The following MIER2 variants were observed in gnomAD, a reference collection of about 807,000 sequenced individuals.
MIER2 encodes mesoderm induction early response protein 2.
Under a neutral mutation model 67.6 loss-of-function variants are expected in MIER2, and 30 were observed. The observed-to-expected ratio is 0.44, with a 90% CI of 0.33 to 0.60. The LOEUF (loss-of-function observed/expected upper bound fraction) is 0.60. Among genes scored for constraint, MIER2 ranks in the 20% least tolerant of loss-of-function variants. The probability of loss-of-function intolerance (pLI) is 0.02; values close to 1 mark genes in which losing one functional copy is unlikely to be tolerated. For missense variants in MIER2, 702 were observed against 745.1 expected (o/e 0.94, Z 0.67); for synonymous variants, 372 against 312.6 (o/e 1.19, Z -2.00).
intron 3 of MIER2, 47 bp downstream of exon 3, chr19:334,353 C>T (rs377420121): frequency 4.3e-6 from 7 of 1,610,492 alleles, no homozygotes; most frequent in Admixed American, 1.7e-5. Flanking sequence ...AGGCTTACCC[C>T]GGAGGGCTCC....
At chr19:335,605 C>T (rs1349354714) in intron 2 of MIER2, among the ~76,000 whole-genome samples, 1 of 152,204 alleles carries the variant, frequency 6.6e-6, no homozygotes, top group Non-Finnish European at 1.5e-5. Context: ...TGCCCTACAG[C>T]GTCAGCTCCT....
Position 307,532 on chromosome 19 carries a change from T to C in MIER2, c.1203A>G (p.Pro401=). The change falls in exon 13 of 14, where the codon CCA becomes CCG. Residue 401 remains proline (P), a synonymous_variant. Coordinates refer to ENST00000264819, the MANE Select transcript of MIER2 (RefSeq NM_017550.3). The part of the protein sequence containing the change: ...QDTLTGMRTD[P]LSVDGTAGGL... ...CACCGGCCGTGCCATCCACGCTCAGTGGATCTGTGAAAGAGAACGCAACAG... is the reference window on the plus strand; with the variant it reads ...CACCGGCCGTGCCATCCACGCTCAGCGGATCTGTGAAAGAGAACGCAACAG... The C allele has an allele frequency of 1.3e-6, 2 of 1,503,194 alleles. No individual in the cohort carries two copies. Among genetic ancestry groups the C allele is most frequent in the Non-Finnish European group, 1.8e-6 (2 of 1,132,832 alleles). The allele number at this position is 1,503,194 out of a possible 1,614,324, so 93.1% of individuals were successfully genotyped here. A position where few individuals can be genotyped will look rare whatever the true frequency, so the allele number is the denominator to read the frequency against.
In MIER2 at chr19:308,630, T is replaced by C. The variant is rs1970777382; in HGVS notation, c.1145A>G (p.Asp382Gly). The C allele has an allele frequency of 1.2e-6, 2 of 1,606,350 alleles. No homozygotes were observed. The highest frequency in any genetic ancestry group is 1.7e-5 in the Admixed American group (1 of 59,066). The change falls in exon 12 of 14, where the codon GAT (aspartate) becomes GGT (glycine). Residue 382 changes from aspartate to glycine, a missense_variant. Asp to Gly is a moderately conservative substitution (Grantham distance 94). Around this residue, in one of 3 missense-constraint regions of MIER2, gnomAD observed 254 missense variants for 262.8 expected, o/e 0.97. Transcript: ENST00000264819. This position sits in a 1 kb window ranked among gnomAD's most constrained non-coding sequence, Gnocchi z 9.1. The part of the protein sequence containing the change: ...ADQDLDGSDP[D>G]GPGRPRPEQD... ...CTCCGGGCGCGGACGGCCGGGGCCA[T>C]CGGGGTCGCTGCCATCCAGGTCCTG...
chr19:344,331 G>A (rs1303786142), intron 1 of MIER2: 6 of 984,880 alleles, frequency 6.1e-6, no homozygotes, highest in Non-Finnish European at 3.6e-6. Context: ...GGGGAGCGCG[G>A]GGCGCCTGGC....
chr19:318,214 T>C (rs1183084552), intron 7 of MIER2, among the ~76,000 whole-genome samples: 1 of 152,026 alleles, frequency 6.6e-6, no homozygotes, highest in Non-Finnish European at 1.5e-5. Flanking sequence ...ACATGTGCCA[T>C]TTACAGAAAA....
chr19:325,648 C>A lies in MIER2; in HGVS notation c.642G>T (p.Arg214=). The A allele has an allele frequency of 6.2e-7, 1 of 1,614,212 alleles. No homozygotes were observed. The highest frequency in any genetic ancestry group is 8.5e-7 in the Non-Finnish European group (1 of 1,180,040). Residue 214 remains arginine (R), a synonymous_variant, in exon 7 of 14, where the codon CGG becomes CGT. Transcript: ENST00000264819. The stretch of plus-strand genomic sequence containing the variant: ...GGCCCTACTTACTCTTCTCACAGTG[C>A]CGGTTCAAGTGCAGGTTGCTGAGGT... The part of the protein sequence containing the change: ...QADLSNLHLN[R]HCEKIYENED...
intron 10 of MIER2, among the ~76,000 whole-genome samples, chr19:310,449 G>A (rs1600111652): frequency 6.6e-6 from 1 of 150,872 alleles, no homozygotes; most frequent in South Asian, 2.1e-4. Context: ...GCTACACACG[G>A]CCCCTCGCGG....
chr19:324,383 G>A (rs537486623), intron 7 of MIER2, among the ~76,000 whole-genome samples: 5 of 106,362 alleles, frequency 4.7e-5, no homozygotes, highest in Admixed American at 1.1e-4. Flanking sequence ...CCACACAGAC[G>A]ACTCGAATGA....
At chr19:332,675 C>T (rs541518980) in intron 3 of MIER2, among the ~76,000 whole-genome samples, 1 of 119,010 alleles carries the variant, frequency 8.4e-6, no homozygotes, top group East Asian at 2.4e-4. Context: ...ACCTCATGAT[C>T]CGCCTACCTC....
At chr19:316,154 A>C (rs78851009) in intron 7 of MIER2, among the ~76,000 whole-genome samples, 1,900 of 152,382 alleles carry the variant, frequency 0.012, 75 homozygotes, top group Admixed American at 0.1. Flanking sequence ...ATGCTGAAAG[A>C]AAGCACAAGG....
intron 5 of MIER2, 25 bp from the exon 6 acceptor site, chr19:326,623 C>T: frequency 6.3e-7 from 1 of 1,588,104 alleles, no homozygotes; most frequent in South Asian, 1.1e-5. Context: ...AGGCAGGTCC[C>T]CCAGGGTCTC....
intron 3 of MIER2, among the ~76,000 whole-genome samples, chr19:333,808 C>T (rs1474124143): frequency 2.7e-5 from 4 of 149,920 alleles, no homozygotes; most frequent in African/African-American, 9.8e-5. Flanking sequence ...CCCGCCTCAG[C>T]CTCCCGAGTA....
chr19:333,118 G>A lies in MIER2; in HGVS notation c.243+1282C>T, dbSNP rs1392573101. On this transcript the variant is annotated intron_variant, in intron 3 of 13. Transcript: ENST00000264819. ...CGTCATTCTCCCGCCTCAGCCTCCC[G>A]AGTAGCTGGGACTACAGTCACCCGC... 8.9e-5 allele frequency among the ~76,000 whole-genome samples: 8 copies of A among 90,368 alleles called. 1 individual carries two copies. The highest frequency in any genetic ancestry group is 1.6e-4 in the Non-Finnish European group (8 of 49,496). 59.3% of individuals were successfully genotyped at this position (90,368 alleles called of 152,430 possible).
In MIER2 at chr19:326,616, C is replaced by T; in HGVS notation, c.494-18G>A. 6.2e-7 allele frequency: 1 copy of T among 1,606,588 alleles called. No homozygotes were observed. The highest frequency in any genetic ancestry group is 1.1e-5 in the South Asian group (1 of 90,928). On this transcript the variant is annotated intron_variant, in intron 5 of 13. Coordinates refer to ENST00000264819, the MANE Select transcript of MIER2 (RefSeq NM_017550.3). ...GAAACGAGCTTTGGGAAAACAGAGG[C>T]AGGTCCCCCAGGGTCTCCACTGCCT...
rs983136771 is a variant in MIER2 at position 328,407 on chromosome 19, G to A, written c.244-418C>T. ...CTGAAAAAGGCATTTGGTAAAATCC[G>A]ACATCTATTCCTGATTTGAAAAAAA... On this transcript the variant is annotated intron_variant, in intron 3 of 13. Transcript: ENST00000264819. Among the ~76,000 whole-genome samples, 83 of 149,298 alleles carry A rather than the reference G, an allele frequency of 5.6e-4. 2 individuals carry two copies. The highest frequency in any genetic ancestry group is 2.0e-3 in the African/African-American group (81 of 40,398).
chr19:331,073 AG>A lies in MIER2; in HGVS notation c.244-3085del, dbSNP rs558149707. On this transcript the variant is annotated intron_variant, in intron 3 of 13. Transcript: ENST00000264819. ...CAGATCAATGTCTCCCTTAAAAGAC[AG>A]AAACTGACCAGGCGTGGCTCATGCC... Among the ~76,000 whole-genome samples, 107 of 152,330 alleles carry A rather than the reference AG, an allele frequency of 7.0e-4. 2 individuals are homozygous for A. The South Asian group carries it at 0.022, about 31-fold the overall frequency.
intron 7 of MIER2, among the ~76,000 whole-genome samples, chr19:325,327 G>T (rs1242257829): frequency 6.6e-6 from 1 of 152,354 alleles, no homozygotes; most frequent in African/African-American, 2.4e-5. Context: ...AGCGGCCCAG[G>T]CTGTGGGGAG....
rs1472124779 is a variant in MIER2, at chr19:334,300, T to C, written c.243+100A>G. ...GGCACTTTGCAAAAAGATGTACAAT[T>C]TAGCACTTACCAATGTGGAATCTGA... On this transcript the variant is annotated intron_variant, in intron 3 of 13. Coordinates refer to ENST00000264819, the MANE Select transcript of MIER2 (RefSeq NM_017550.3). The C allele has an allele frequency of 3.3e-6, 5 of 1,527,992 alleles. No individual in the cohort carries two copies. The Admixed American group carries it at 9.2e-5, about 28-fold the overall frequency. The allele number at this position is 1,527,992 out of a possible 1,614,324, so 94.7% of individuals were successfully genotyped here.
chr19:325,586 C>G, intron 7 of MIER2, 49 bp downstream of exon 7: 1 of 1,606,080 alleles, frequency 6.2e-7, no homozygotes, highest in Non-Finnish European at 8.5e-7. Flanking sequence ...AGCCAGGCCA[C>G]TCCCCTTGCA....
Sources: allele counts gnomAD v4.1 joint callset (sites outside exome capture counted in the v4.1 genomes callset), GRCh38; gene constraint gnomAD v4.1.1; regional missense constraint gnomAD v4.1.1; non-coding constraint Gnocchi (gnomAD v3.1); transcripts MANE v1.5; gene names NCBI Gene and HGNC (gene_info 2026-07-23, HGNC 2026-07-21).